The following GNL1 variants were observed in gnomAD, a reference collection of about 807,000 sequenced individuals.
GNL1 encodes the protein guanine nucleotide-binding protein-like 1.
GNL1 carries 21 observed loss-of-function variants against 75.2 expected under a neutral mutation model. The ratio of observed to expected loss-of-function variants is 0.28; its 90% CI spans 0.20 to 0.40. The LOEUF is 0.40. Among genes scored for constraint, GNL1 ranks in the 10% least tolerant of loss-of-function variants. GNL1 has a pLI of 1.00. For missense variants in GNL1, 579 were observed against 775.0 expected, an observed-to-expected ratio of 0.75 and a Z score of 3.00; for synonymous variants, 287 against 303.4, an observed-to-expected ratio of 0.95 and a Z score of 0.56.
chr6:30,549,980 C>T (rs1477116095), intron 8 of GNL1, among the ~76,000 whole-genome samples: 1 of 152,028 alleles, frequency 6.6e-6, no homozygotes, highest in African/African-American at 2.4e-5. Flanking sequence ...CGCACCACCA[C>T]ACACGGCTAA....
chr6:30,546,461 A>T lies in GNL1; in HGVS notation c.1583-148T>A, dbSNP rs1054984458. The T allele has an allele frequency of 2.2e-5, 15 of 689,490 alleles. No homozygotes were observed. Among genetic ancestry groups the T allele is most frequent in the African/African-American group, 3.6e-5 (2 of 55,034 alleles). The allele number at this position is 689,490 out of a possible 1,614,324, so 42.7% of individuals were successfully genotyped here. On this transcript the variant is annotated intron_variant, in intron 11 of 11. Coordinates refer to ENST00000376621, the MANE Select transcript of GNL1 (RefSeq NM_005275.5). The surrounding 1 kb of genome is among the most constrained non-coding windows in gnomAD (Gnocchi z 5.1). ...CATTCATCCATTCATTCAACTTCCT[A>T]TGTGCAGATTGCTGAACAGAACCTT...
chr6:30,550,623 C>T (rs1264119297), intron 8 of GNL1, among the ~76,000 whole-genome samples: 1 of 152,110 alleles, frequency 6.6e-6, no homozygotes, highest in Non-Finnish European at 1.5e-5. Flanking sequence ...AGGAGGTAAA[C>T]TTATAAGAAA....
In GNL1 at chr6:30,553,169, C is replaced by G. The variant is rs71561384; in HGVS notation, c.819G>C (p.Lys273Asn). The part of the protein sequence containing the change: ...TPQDPSSVLK[K>N]SRRRGRGWTR... ...TCCATCCTCTCCCCCGCCTCCGACTCTTCTTCAAGACTGAGATCAGAGGGC... is the reference window on the plus strand; with the variant it reads ...TCCATCCTCTCCCCCGCCTCCGACTGTTCTTCAAGACTGAGATCAGAGGGC... Residue 273 changes from lysine to asparagine, a missense_variant, in exon 7 of 12, where the codon AAG (lysine) becomes AAC (asparagine). By Grantham distance (94) the Lys-to-Asn change is moderately conservative (BLOSUM62 0). Coordinates refer to ENST00000376621, the MANE Select transcript of GNL1 (RefSeq NM_005275.5). 3 of 1,612,520 alleles carry G rather than the reference C, an allele frequency of 1.9e-6. No homozygotes were observed. Among genetic ancestry groups the G allele is most frequent in the Non-Finnish European group, 2.5e-6 (3 of 1,178,560 alleles).
Position 30,544,362 on chromosome 6 carries a change from T to C in GNL1, c.*1710A>G, listed in dbSNP as rs570568642. 1 of 152,234 alleles carries C rather than the reference T, an allele frequency of 6.6e-6. No individual in the cohort carries two copies. Among genetic ancestry groups the C allele is most frequent in the African/African-American group, 2.4e-5 (1 of 41,530 alleles). 9.4% of individuals were successfully genotyped at this position (152,234 alleles called of 1,614,324 possible). A position where few individuals can be genotyped will look rare whatever the true frequency, so the allele number is the denominator to read the frequency against. On this transcript the variant is annotated 3_prime_UTR_variant, in exon 12 of 12. Coordinates refer to ENST00000376621, the MANE Select transcript of GNL1 (RefSeq NM_005275.5). The stretch of plus-strand genomic sequence containing the variant: ...CAGGAAGCAGAGGTACAAATAGAAT[T>C]CTGATTTTTCTCCTTTCTCTCCATA...
At chr6:30,550,648 A>G (rs1799719242) in intron 8 of GNL1, among the ~76,000 whole-genome samples, 1 of 152,150 alleles carries the variant, frequency 6.6e-6, no homozygotes, top group African/African-American at 2.4e-5. Flanking sequence ...ATCAGATCCT[A>G]TCATTCCCCT....
In GNL1 at chr6:30,547,329, C is replaced by T; in HGVS notation, c.1278+23G>A. The T allele has an allele frequency of 6.3e-7, 1 of 1,585,864 alleles. No homozygotes were observed. The highest frequency in any genetic ancestry group is 8.6e-7 in the Non-Finnish European group (1 of 1,165,586). On this transcript the variant is annotated intron_variant, in intron 9 of 11. Transcript: ENST00000376621. This position sits in a 1 kb window ranked among gnomAD's most constrained non-coding sequence, Gnocchi z 5.5. ...TCAATGTCCCACCTTCTCTCTTTCC[C>T]TTACCCACCCTCCCCGTCATACCTG...
Position 30,552,069 on chromosome 6 carries a change from G to T in GNL1, c.1099+398C>A, listed in dbSNP as rs1026895542. On this transcript the variant is annotated intron_variant, in intron 8 of 11. Coordinates refer to ENST00000376621, the MANE Select transcript of GNL1 (RefSeq NM_005275.5). This position sits in a 1 kb window ranked among gnomAD's most constrained non-coding sequence, Gnocchi z 4.5. ...TGTAAAGATGGGGTTTCACTATGTTGCCCAGACTAGTCTTGAGCTCCTGGT... is the reference window on the plus strand; with the variant it reads ...TGTAAAGATGGGGTTTCACTATGTTTCCCAGACTAGTCTTGAGCTCCTGGT... The T allele has an allele frequency of 5.2e-6, 1 of 191,418 alleles. No individual in the cohort carries two copies. The highest frequency in any genetic ancestry group is 1.7e-4 in the South Asian group (1 of 6,038). 11.9% of individuals were successfully genotyped at this position (191,418 alleles called of 1,614,324 possible). A position where few individuals can be genotyped will look rare whatever the true frequency, so the allele number is the denominator to read the frequency against.
Position 30,547,173 on chromosome 6 carries a change from G to A in GNL1, c.1380C>T (p.Arg460=). The change falls in exon 10 of 12, where the codon CGC becomes CGT. Residue 460 remains arginine, a synonymous_variant. Coordinates refer to ENST00000376621, the MANE Select transcript of GNL1 (RefSeq NM_005275.5). This position sits in a 1 kb window ranked among gnomAD's most constrained non-coding sequence, Gnocchi z 5.5. ...RIPVQALLHL[R]HPEAEDPSAE... The stretch of plus-strand genomic sequence containing the variant: ...CTGAGGGGTCCTCAGCCTCTGGGTG[G>A]CGCAGGTGGAGCAGGGCCTGCACGG... The A allele has an allele frequency of 6.2e-7, 1 of 1,613,264 alleles. No homozygotes were observed. Among genetic ancestry groups the A allele is most frequent in the Non-Finnish European group, 8.5e-7 (1 of 1,179,860 alleles).
In GNL1 at chr6:30,555,832, G is replaced by T. The variant is rs769490414; in HGVS notation, c.74-112C>A. The T allele has an allele frequency of 1.7e-6, 2 of 1,171,504 alleles. No homozygotes were observed. Among genetic ancestry groups the T allele is most frequent in the African/African-American group, 1.5e-5 (1 of 65,890 alleles). 72.6% of individuals were successfully genotyped at this position (1,171,504 alleles called of 1,614,324 possible). ...CCCACTCAACTTCTTCCGATGTTCAGTCCTCCCAGACACCCTATTTGGGAC... is the reference window on the plus strand; with the variant it reads ...CCCACTCAACTTCTTCCGATGTTCATTCCTCCCAGACACCCTATTTGGGAC... On this transcript the variant is annotated intron_variant, in intron 1 of 11. Coordinates refer to ENST00000376621, the MANE Select transcript of GNL1 (RefSeq NM_005275.5). This position sits in a 1 kb window ranked among gnomAD's most constrained non-coding sequence, Gnocchi z 4.3.
intron 6 of GNL1, 42 bp from the exon 7 acceptor site, chr6:30,553,221 G>A (rs1799907991): frequency 6.7e-7 from 1 of 1,491,488 alleles, no homozygotes; most frequent in African/African-American, 1.4e-5. Context: ...ACGGGCTTAG[G>A]CCTCTCATCT....
rs1374222862 is a variant in GNL1 at position 30,546,641 on chromosome 6, C to T, written c.1582+55G>A. ...ACCCTCTCTCTGGCCACAAAGCCCACACCCTTTTACCTACGCTATAGCAGG... is the reference window on the plus strand; with the variant it reads ...ACCCTCTCTCTGGCCACAAAGCCCATACCCTTTTACCTACGCTATAGCAGG... On this transcript the variant is annotated intron_variant, in intron 11 of 11. Transcript: ENST00000376621. This position sits in a 1 kb window ranked among gnomAD's most constrained non-coding sequence, Gnocchi z 5.1. The T allele has an allele frequency of 3.4e-6, 5 of 1,452,050 alleles. No individual in the cohort carries two copies. The highest frequency in any genetic ancestry group is 4.7e-6 in the Non-Finnish European group (5 of 1,060,222). 89.9% of individuals were successfully genotyped at this position (1,452,050 alleles called of 1,614,324 possible). A position where few individuals can be genotyped will look rare whatever the true frequency, so the allele number is the denominator to read the frequency against.
intron 8 of GNL1, among the ~76,000 whole-genome samples, chr6:30,549,672 C>A (rs554341292): frequency 3.3e-5 from 5 of 152,214 alleles, no homozygotes; most frequent in Non-Finnish European, 5.9e-5. Flanking sequence ...TCTTCAAACA[C>A]CTTCTTCATT....
chr6:30,547,364 A>G lies in GNL1; in HGVS notation c.1266T>C (p.Pro422=). The G allele has an allele frequency of 6.2e-7, 1 of 1,608,774 alleles. No individual in the cohort carries two copies. Among genetic ancestry groups the G allele is most frequent in the Non-Finnish European group, 8.5e-7 (1 of 1,177,480 alleles). ...CPGLIFPSLL[P]RQLQVLAGIY... ...CTCCCCGTCATACCTGCAACTGCCT[A>G]GGCAGAAGAGATGGGAAGATGAGGC... Residue 422 remains proline, a synonymous_variant, in exon 9 of 12, where the codon CCT becomes CCC. Coordinates refer to ENST00000376621, the MANE Select transcript of GNL1 (RefSeq NM_005275.5). The surrounding 1 kb of genome is among the most constrained non-coding windows in gnomAD (Gnocchi z 5.5).
Position 30,556,353 on chromosome 6 carries a change from C to T in GNL1, c.-150G>A, listed in dbSNP as rs1800194109. 1.2e-6 allele frequency: 1 copy of T among 817,166 alleles called. No individual in the cohort carries two copies. Among genetic ancestry groups the T allele is most frequent in the South Asian group, 1.6e-5 (1 of 63,454 alleles). The allele number at this position is 817,166 out of a possible 1,614,324, so 50.6% of individuals were successfully genotyped here. On this transcript the variant is annotated 5_prime_UTR_variant, in exon 1 of 12. Transcript: ENST00000376621. This position sits in a 1 kb window ranked among gnomAD's most constrained non-coding sequence, Gnocchi z 5.7. ...CAGCGGGCGGGCCCGACAGAATTAC[C>T]GCCGCGGCGGCGATGGAAGGCGGAC...
In GNL1 at chr6:30,552,361, C is replaced by T. The variant is rs1799836706; in HGVS notation, c.1099+106G>A. 2 of 927,642 alleles carry T rather than the reference C, an allele frequency of 2.2e-6. No homozygotes were observed. Among genetic ancestry groups the T allele is most frequent in the African/African-American group, 1.7e-5 (1 of 60,528 alleles). The allele number at this position is 927,642 out of a possible 1,614,324, so 57.5% of individuals were successfully genotyped here. ...ACCGCCACTGGCAGAGATCACCCCT[C>T]AGACACCCTGGGGCCTAATGAGACC... is the stretch of plus-strand genomic sequence containing the variant. On this transcript the variant is annotated intron_variant, in intron 8 of 11. Transcript: ENST00000376621. This position sits in a 1 kb window ranked among gnomAD's most constrained non-coding sequence, Gnocchi z 4.5.
Position 30,546,434 on chromosome 6 carries a change from T to C in GNL1, c.1583-121A>G. 1 of 713,440 alleles carries C rather than the reference T, an allele frequency of 1.4e-6. No individual in the cohort carries two copies. Among genetic ancestry groups the C allele is most frequent in the East Asian group, 2.7e-5 (1 of 36,876 alleles). 44.2% of individuals were successfully genotyped at this position (713,440 alleles called of 1,614,324 possible). A position where few individuals can be genotyped will look rare whatever the true frequency, so the allele number is the denominator to read the frequency against. On this transcript the variant is annotated intron_variant, in intron 11 of 11. Coordinates refer to ENST00000376621, the MANE Select transcript of GNL1 (RefSeq NM_005275.5). The surrounding 1 kb of genome is among the most constrained non-coding windows in gnomAD (Gnocchi z 5.1). ...TAATCTTTAGAGCTGCTGGCATTCATTCATTCATCCATTCATTCAACTTCC... is the reference window on the plus strand; with the variant it reads ...TAATCTTTAGAGCTGCTGGCATTCACTCATTCATCCATTCATTCAACTTCC...
In GNL1 at chr6:30,546,377, G is replaced by A; in HGVS notation, c.1583-64C>T. 4 of 981,468 alleles carry A rather than the reference G, an allele frequency of 4.1e-6. No homozygotes were observed. In the South Asian group the frequency reaches 5.7e-5, roughly 14 times the overall value. 60.8% of individuals were successfully genotyped at this position (981,468 alleles called of 1,614,324 possible). A position where few individuals can be genotyped will look rare whatever the true frequency, so the allele number is the denominator to read the frequency against. On this transcript the variant is annotated intron_variant, in intron 11 of 11. Coordinates refer to ENST00000376621, the MANE Select transcript of GNL1 (RefSeq NM_005275.5). This position sits in a 1 kb window ranked among gnomAD's most constrained non-coding sequence, Gnocchi z 5.1. The stretch of plus-strand genomic sequence containing the variant: ...TGAGCAAGAACTAAAGCCAAGGAAA[G>A]ATGGGGAAGAGGCAAAGACTAGGAA...
Position 30,556,299 on chromosome 6 carries a change from C to G in GNL1, c.-96G>C, listed in dbSNP as rs1800187401. 7.0e-7 allele frequency: 1 copy of G among 1,427,654 alleles called. No individual in the cohort carries two copies. Among genetic ancestry groups the G allele is most frequent in the Non-Finnish European group, 9.7e-7 (1 of 1,032,772 alleles). 88.4% of individuals were successfully genotyped at this position (1,427,654 alleles called of 1,614,324 possible). A position where few individuals can be genotyped will look rare whatever the true frequency, so the allele number is the denominator to read the frequency against. ...GCCCCCGCCGCAGGGGCCCGGGACC[C>G]TAGAGGAGGCGGGGCTAGCAGGTGA... On this transcript the variant is annotated 5_prime_UTR_variant, in exon 1 of 12. Coordinates refer to ENST00000376621, the MANE Select transcript of GNL1 (RefSeq NM_005275.5). The surrounding 1 kb of genome is among the most constrained non-coding windows in gnomAD (Gnocchi z 5.7).
In GNL1 at chr6:30,556,282, C is replaced by G; in HGVS notation, c.-79G>C. 12 of 1,551,000 alleles carry G rather than the reference C, an allele frequency of 7.7e-6. No individual in the cohort carries two copies. Among genetic ancestry groups the G allele is most frequent in the Non-Finnish European group, 1.1e-5 (12 of 1,140,928 alleles). On this transcript the variant is annotated 5_prime_UTR_variant, in exon 1 of 12. Transcript: ENST00000376621. The surrounding 1 kb of genome is among the most constrained non-coding windows in gnomAD (Gnocchi z 5.7). ...GACTGCCCCCCGGGGCAGCCCCCGC[C>G]GCAGGGGCCCGGGACCCTAGAGGAG...
Sources: allele counts gnomAD v4.1 joint callset (sites outside exome capture counted in the v4.1 genomes callset), GRCh38; gene constraint gnomAD v4.1.1; non-coding constraint Gnocchi (gnomAD v3.1); transcripts MANE v1.5; gene names NCBI Gene and HGNC (gene_info 2026-07-23, HGNC 2026-07-21).